The following ARID1B variants were observed in gnomAD, a reference collection of about 807,000 sequenced individuals.
ARID1B encodes the protein AT-rich interactive domain-containing protein 1B.
ARID1B carries 30 observed loss-of-function variants against 212.3 expected under a neutral mutation model. The ratio of observed to expected loss-of-function variants is 0.14; its 90% CI spans 0.11 to 0.19. The LOEUF (loss-of-function observed/expected upper bound fraction) is 0.19, where lower values mean the gene tolerates loss of function less well. Among genes scored for constraint, ARID1B ranks in the 10% least tolerant of loss-of-function variants. The probability of loss-of-function intolerance (pLI) is 1.00; values close to 1 mark genes in which losing one functional copy is unlikely to be tolerated. For synonymous variants in ARID1B, 1,402 were observed against 1,301.7 expected (o/e 1.08, Z -1.66); for missense variants, 2,891 against 3,204.0 (o/e 0.90, Z 2.36).
At chr6:157,040,891 C>T (rs571915296) in intron 4 of ARID1B, among the ~76,000 whole-genome samples, 11 of 152,236 alleles carry the variant, frequency 7.2e-5, no homozygotes, top group Middle Eastern at 3.4e-3. Context: ...TAAGCACTTC[C>T]GCTGTTTTCC....
rs1352004076 is a variant in ARID1B at position 157,007,866 on chromosome 6, C to T, written c.2247+72290C>T. The stretch of plus-strand genomic sequence containing the variant: ...AATTTTGTGTATTTTTTAGTAGAGA[C>T]GGGGTTTCACCGTGTTAGCCAGGAT... On this transcript the variant is annotated intron_variant, in intron 4 of 19. Transcript: ENST00000636930. Among the ~76,000 whole-genome samples the T allele has an allele frequency of 2.6e-5, 4 of 151,778 alleles. No homozygotes were observed. The South Asian group carries it at 6.2e-4, about 24-fold the overall frequency.
In ARID1B at chr6:157,200,464, T is replaced by C. The variant is rs920425249; in HGVS notation, c.4480-241T>C. Among the ~76,000 whole-genome samples the C allele has an allele frequency of 2.6e-5, 4 of 151,938 alleles. No homozygotes were observed. The highest frequency in any genetic ancestry group is 5.9e-5 in the Non-Finnish European group (4 of 67,928). ...GCCTAAGGAGAGGAGGCTTTTTTTT[T>C]TCCACAGGAAGTTTCAAACACGTGA... On this transcript the variant is annotated intron_variant, in intron 17 of 19. Transcript: ENST00000636930. The surrounding 1 kb of genome is among the most constrained non-coding windows in gnomAD (Gnocchi z 4.3).
At position 157,049,364 on chromosome 6, in the gene ARID1B, C is replaced by T. The variant is rs1782441832; in HGVS notation, c.2248-35298C>T. On this transcript the variant is annotated intron_variant, in intron 4 of 19. Coordinates refer to ENST00000636930, the MANE Select transcript of ARID1B (RefSeq NM_001374828.1). ...AGTTTTCTCCTTGCAGTAGGTGTGGCCTTAGATGGCCATGTGAAAAGGAGG... is the reference window on the plus strand; with the variant it reads ...AGTTTTCTCCTTGCAGTAGGTGTGGTCTTAGATGGCCATGTGAAAAGGAGG... Among the ~76,000 whole-genome samples, 2 of 151,928 alleles carry T rather than the reference C, an allele frequency of 1.3e-5. 1 individual carries two copies. The highest frequency in any genetic ancestry group is 4.2e-4 in the South Asian group (2 of 4,814).
rs893200736 is a variant in ARID1B, at chr6:157,208,978, G to T, written c.*1087G>T. 15 of 229,994 alleles carry T rather than the reference G, an allele frequency of 6.5e-5. No homozygotes were observed. Among genetic ancestry groups the T allele is most frequent in the Non-Finnish European group, 1.2e-4 (14 of 116,300 alleles). 14.2% of individuals were successfully genotyped at this position (229,994 alleles called of 1,614,324 possible). A position where few individuals can be genotyped will look rare whatever the true frequency, so the allele number is the denominator to read the frequency against. ...AATTTGCTTCATGAATCAAGGTGTGGAAATGGTTATATATGGATTGATTTA... is the reference window on the plus strand; with the variant it reads ...AATTTGCTTCATGAATCAAGGTGTGTAAATGGTTATATATGGATTGATTTA... On this transcript the variant is annotated 3_prime_UTR_variant, in exon 20 of 20. Transcript: ENST00000636930.
chr6:156,893,277 C>T (rs557008198), intron 2 of ARID1B, among the ~76,000 whole-genome samples: 1 of 152,226 alleles, frequency 6.6e-6, no homozygotes, highest in African/African-American at 2.4e-5. Flanking sequence ...CCACTCGCCT[C>T]GGCCGTCCGA....
intron 4 of ARID1B, among the ~76,000 whole-genome samples, chr6:156,991,630 C>T (rs2128406524): frequency 6.6e-6 from 1 of 152,302 alleles, no homozygotes; most frequent in South Asian, 2.1e-4. Context: ...TTCTTACACT[C>T]TTCTTGAACT....
intron 4 of ARID1B, among the ~76,000 whole-genome samples, chr6:157,079,973 C>T (rs1024129280): frequency 6.6e-6 from 1 of 152,130 alleles, no homozygotes; most frequent in African/African-American, 2.4e-5. Context: ...ACTGAACTGG[C>T]GTTTTAACCT....
intron 5 of ARID1B, among the ~76,000 whole-genome samples, chr6:157,097,151 ATTAG>A (rs1220606406): frequency 7.9e-5 from 12 of 152,238 alleles, no homozygotes; most frequent in Non-Finnish European, 1.8e-4. Context: ...ACAAGCTGTC[ATTAG>A]TTAGTATAAT....
chr6:157,189,502 C>T lies in ARID1B; in HGVS notation c.3920-140C>T. Reference sequence around the variant, plus strand: ...ACGAATTTTACAACATCATTATCAGCAATGGCTATTGTTACTGTTTCTAAT... The same window carrying T: ...ACGAATTTTACAACATCATTATCAGTAATGGCTATTGTTACTGTTTCTAAT... On this transcript the variant is annotated intron_variant, in intron 13 of 19. Transcript: ENST00000636930. 7 of 1,023,290 alleles carry T rather than the reference C, an allele frequency of 6.8e-6. 1 individual carries two copies. In the South Asian group the frequency reaches 1.3e-4, roughly 19 times the overall value. The allele number at this position is 1,023,290 out of a possible 1,614,324, so 63.4% of individuals were successfully genotyped here.
chr6:156,867,912 C>T (rs185722259), intron 2 of ARID1B, among the ~76,000 whole-genome samples: 5 of 152,278 alleles, frequency 3.3e-5, no homozygotes, highest in Admixed American at 6.5e-5. Flanking sequence ...TTTTAATGTC[C>T]GAAACGAGTT....
intron 5 of ARID1B, among the ~76,000 whole-genome samples, chr6:157,099,381 T>G (rs1039191027): frequency 1.3e-5 from 2 of 152,212 alleles, no homozygotes; most frequent in African/African-American, 4.8e-5. Context: ...TTGCCCCAAG[T>G]TCTCTGTGGG....
intron 3 of ARID1B, among the ~76,000 whole-genome samples, chr6:156,925,479 G>A (rs1791141390): frequency 6.6e-6 from 1 of 152,034 alleles, no homozygotes; most frequent in Non-Finnish European, 1.5e-5. Flanking sequence ...CTGCAGTCCA[G>A]CTTGGGCACC....
At chr6:157,002,677 T>G (rs995199418) in intron 4 of ARID1B, among the ~76,000 whole-genome samples, 1 of 152,240 alleles carries the variant, frequency 6.6e-6, no homozygotes, top group Non-Finnish European at 1.5e-5. Context: ...TTAGTCTGCC[T>G]GAAACTGTTA....
chr6:157,078,278 G>A (rs1211336797), intron 4 of ARID1B, among the ~76,000 whole-genome samples: 1 of 152,076 alleles, frequency 6.6e-6, no homozygotes, highest in Admixed American at 6.5e-5. Context: ...GCATTCTCGT[G>A]GCCATAATCA....
chr6:156,813,020 G>A (rs287892), intron 1 of ARID1B, among the ~76,000 whole-genome samples: 15,239 of 135,176 alleles, frequency 0.11, 1,102 homozygotes, highest in Middle Eastern at 0.16. Flanking sequence ...ATACACATAC[G>A]TATGTATATA....
At chr6:157,102,563 T>C (rs556890712) in intron 5 of ARID1B, among the ~76,000 whole-genome samples, 48 of 151,204 alleles carry the variant, frequency 3.2e-4, no homozygotes, top group African/African-American at 1.2e-3. Context: ...TAAATACTCA[T>C]CTGTATTGGC....
chr6:157,099,750 C>T (rs1165937322), intron 5 of ARID1B, among the ~76,000 whole-genome samples: 2 of 152,072 alleles, frequency 1.3e-5, no homozygotes, highest in Non-Finnish European at 2.9e-5. Flanking sequence ...AACACTCAGA[C>T]CACAGTAGGG....
chr6:157,122,222 A>G (rs1455084400), intron 6 of ARID1B, among the ~76,000 whole-genome samples: 2 of 152,176 alleles, frequency 1.3e-5, no homozygotes, highest in Non-Finnish European at 2.9e-5. Context: ...GGTCTCCATA[A>G]TAGAGATTGA....
intron 2 of ARID1B, among the ~76,000 whole-genome samples, chr6:156,854,956 C>T (rs1178618873): frequency 6.6e-6 from 1 of 152,202 alleles, no homozygotes; most frequent in African/African-American, 2.4e-5. Flanking sequence ...CAGTCAATTA[C>T]TAGGCAGTTT....
Sources: gnomAD v4.1 joint callset for allele counts (sites outside exome capture counted in the v4.1 genomes callset) on GRCh38, gnomAD v4.1.1 for gene constraint, Gnocchi (gnomAD v3.1) non-coding constraint, MANE v1.5 for transcripts, NCBI Gene and HGNC (gene_info 2026-07-23, HGNC 2026-07-21) for gene names.